Variants in SCUBE3 observed in about 807,000 individuals in gnomAD.
SCUBE3 encodes the protein signal peptide, CUB domain and EGF like domain containing 3, also known as signal peptide, CUB and EGF-like domain-containing protein 3.
SCUBE3 carries 33 observed loss-of-function variants against 116.8 expected under a neutral mutation model. The ratio of observed to expected loss-of-function variants is 0.28; its 90% CI spans 0.21 to 0.38. The LOEUF (loss-of-function observed/expected upper bound fraction) is 0.38, where lower values mean the gene tolerates loss of function less well. SCUBE3 is among the 10% of genes least tolerant of loss of function. The pLI, the probability that SCUBE3 is intolerant of heterozygous loss-of-function variation, is 1.00. For missense variants in SCUBE3, 1,007 were observed against 1,324.8 expected, an observed-to-expected ratio of 0.76 and a Z score of 3.72; for synonymous variants, 418 against 496.9, an observed-to-expected ratio of 0.84 and a Z score of 2.11.
chr6:35,229,791 G>A (rs1482904793), intron 3 of SCUBE3, among the ~76,000 whole-genome samples: 2 of 152,068 alleles, frequency 1.3e-5, no homozygotes, highest in South Asian at 2.1e-4. Context: ...TAGCAGAAAA[G>A]GATTTGAAAT....
rs964900912 is a variant in SCUBE3 at position 35,218,015 on chromosome 6, G to A, written c.85+3512G>A. On this transcript the variant is annotated intron_variant, in intron 1 of 21. Transcript: ENST00000274938. ...TCTCATCTCTTTGAGTCTCTGCAGG[G>A]TGGAATAAGAGAAAGGGGACTAGAA... The A allele has an allele frequency of 3.2e-5, 11 of 342,562 alleles. No individual in the cohort carries two copies. The Admixed American group carries it at 4.5e-4, about 14-fold the overall frequency. 21.2% of individuals were successfully genotyped at this position (342,562 alleles called of 1,614,324 possible). A position where few individuals can be genotyped will look rare whatever the true frequency, so the allele number is the denominator to read the frequency against.
intron 21 of SCUBE3, among the ~76,000 whole-genome samples, chr6:35,247,438 C>A (rs1459017330): frequency 7.2e-3 from 879 of 121,586 alleles, no homozygotes; most frequent in Non-Finnish European, 9.0e-3. Flanking sequence ...GACTCAGTCT[C>A]AAAAAAAAAA....
At position 35,232,879 on chromosome 6, in the gene SCUBE3, G is replaced by A. The variant is rs1205463225; in HGVS notation, c.499G>A (p.Gly167Ser). The A allele has an allele frequency of 1.2e-6, 2 of 1,614,122 alleles. No individual in the cohort carries two copies. The highest frequency in any genetic ancestry group is 2.2e-5 in the East Asian group (1 of 44,886). ...EGMNCMNKNHGCAHICRETPK... is the reference protein window; with the variant it reads ...EGMNCMNKNHSCAHICRETPK... Reference sequence around the variant, plus strand: ...AATGAATTGCATGAACAAGAACCACGGCTGTGCCCACATTTGCCGGGAGAC... The same window carrying A: ...AATGAATTGCATGAACAAGAACCACAGCTGTGCCCACATTTGCCGGGAGAC... Residue 167 changes from glycine (G) to serine (S), a missense_variant, in exon 5 of 22, where the codon GGC becomes AGC. Transcript: ENST00000274938. This position sits in a 1 kb window ranked among gnomAD's most constrained non-coding sequence, Gnocchi z 4.2.
At chr6:35,247,986 C>T (rs1048448836) in intron 21 of SCUBE3, among the ~76,000 whole-genome samples, 11 of 152,206 alleles carry the variant, frequency 7.2e-5, no homozygotes, top group Admixed American at 2.0e-4. Flanking sequence ...GTTCAGGAAC[C>T]TCCAGAAGGC....
rs200958016 is a variant in SCUBE3 at position 35,244,830 on chromosome 6, T to C, written c.2401+19T>C. On this transcript the variant is annotated intron_variant, in intron 18 of 21. Transcript: ENST00000274938. This position sits in a 1 kb window ranked among gnomAD's most constrained non-coding sequence, Gnocchi z 4.3. ...TGCAAGAGTACGTGGCAAGCCAGGCTGTGCAAAAGGGAGGAGAGAGGCCTG... is the reference window on the plus strand; with the variant it reads ...TGCAAGAGTACGTGGCAAGCCAGGCCGTGCAAAAGGGAGGAGAGAGGCCTG... 1,643 of 1,613,144 alleles carry C rather than the reference T, an allele frequency of 1.0e-3. 2 individuals are homozygous for C. The highest frequency in any genetic ancestry group is 1.3e-3 in the Non-Finnish European group (1,540 of 1,179,220).
Position 35,235,435 on chromosome 6 carries a change from ATG to A in SCUBE3, c.712+2136_712+2137del. The stretch of plus-strand genomic sequence containing the variant: ...CCAGCACCTAAACAGCTTTTTTACA[ATG>A]TCAAACAGGGGAAAGGCGGCTAGAG... On this transcript the variant is annotated intron_variant, in intron 6 of 21. Transcript: ENST00000274938. The surrounding 1 kb of genome is among the most constrained non-coding windows in gnomAD (Gnocchi z 4.5). The A allele has an allele frequency of 1.6e-6, 2 of 1,281,160 alleles. No homozygotes were observed. The highest frequency in any genetic ancestry group is 2.0e-6 in the Non-Finnish European group (2 of 980,910). The allele number at this position is 1,281,160 out of a possible 1,614,324, so 79.4% of individuals were successfully genotyped here.
In SCUBE3 at chr6:35,241,594, G is replaced by A; in HGVS notation, c.1247G>A (p.Cys416Tyr). 6.2e-7 allele frequency: 1 copy of A among 1,614,212 alleles called. No homozygotes were observed. Among genetic ancestry groups the A allele is most frequent in the Non-Finnish European group, 8.5e-7 (1 of 1,180,032 alleles). The change falls in exon 11 of 22, where the codon TGC (cysteine) becomes TAC (tyrosine). Residue 416 changes from cysteine to tyrosine, a missense_variant. Physicochemically the swap from Cys to Tyr is radical, Grantham distance 194. Coordinates refer to ENST00000274938, the MANE Select transcript of SCUBE3 (RefSeq NM_152753.4). The surrounding 1 kb of genome is among the most constrained non-coding windows in gnomAD (Gnocchi z 4.1). ...SPGASKAMLS[C>Y]NRSGKKDTCA... ...GGGGCCTCGAAAGCCATGCTCAGCTGCAACCGGTCTGGCAAGAAGGACACC... is the reference window on the plus strand; with the variant it reads ...GGGGCCTCGAAAGCCATGCTCAGCTACAACCGGTCTGGCAAGAAGGACACC...
At position 35,241,229 on chromosome 6, in the gene SCUBE3, C is replaced by T; in HGVS notation, c.1158C>T (p.Gly386=). 1.2e-6 allele frequency: 2 copies of T among 1,602,438 alleles called. No individual in the cohort carries two copies. The highest frequency in any genetic ancestry group is 8.5e-7 in the Non-Finnish European group (1 of 1,170,526). The change falls in exon 10 of 22, where the codon GGC becomes GGT. Residue 386 remains glycine (G), a synonymous_variant. Coordinates refer to ENST00000274938, the MANE Select transcript of SCUBE3 (RefSeq NM_152753.4). The surrounding 1 kb of genome is among the most constrained non-coding windows in gnomAD (Gnocchi z 4.1). ...GCTACCAGTGTACCTGCCCAGCAGG[C>T]CAGGGTCGGCTGCACTGGAATGGCA... ...PGSYQCTCPA[G]QGRLHWNGKD... is the part of the protein sequence containing the mutation.
chr6:35,239,778 G>A lies in SCUBE3; in HGVS notation c.856G>A (p.Gly286Arg), dbSNP rs185104039. The change falls in exon 8 of 22, where the codon GGG becomes AGG. Residue 286 changes from glycine to arginine, a missense_variant. Physicochemically the swap from Gly to Arg is moderately radical, Grantham distance 125. Coordinates refer to ENST00000274938, the MANE Select transcript of SCUBE3 (RefSeq NM_152753.4). The surrounding 1 kb of genome is among the most constrained non-coding windows in gnomAD (Gnocchi z 4.1). The part of the protein sequence containing the change: ...KDIDECRLNN[G>R]GCDHICRNTV... ...TATAGATGAGTGCCGCTTAAACAACGGGGGCTGTGACCATATTTGCCGCAA... is the reference window on the plus strand; with the variant it reads ...TATAGATGAGTGCCGCTTAAACAACAGGGGCTGTGACCATATTTGCCGCAA... The A allele has an allele frequency of 2.0e-5, 32 of 1,611,806 alleles. No individual in the cohort carries two copies. Among genetic ancestry groups the A allele is most frequent in the Admixed American group, 1.7e-4 (10 of 59,556 alleles).
intron 21 of SCUBE3, 151 bp downstream of exon 21, chr6:35,246,436 G>A: frequency 1.6e-6 from 1 of 634,590 alleles, no homozygotes; most frequent in Non-Finnish European, 2.7e-6. Flanking sequence ...CTTTACAGAT[G>A]GGAAAACTGG....
At position 35,235,572 on chromosome 6, in the gene SCUBE3, G is replaced by A; in HGVS notation, c.712+2271G>A. 1 of 793,134 alleles carries A rather than the reference G, an allele frequency of 1.3e-6. No homozygotes were observed. The highest frequency in any genetic ancestry group is 1.4e-5 in the South Asian group (1 of 70,118). 49.1% of individuals were successfully genotyped at this position (793,134 alleles called of 1,614,324 possible). A position where few individuals can be genotyped will look rare whatever the true frequency, so the allele number is the denominator to read the frequency against. ...TAACCCGCTGGGGCTCCCACTAACT[G>A]CATGCCCACTGGGCCCAGCCTGACT... On this transcript the variant is annotated intron_variant, in intron 6 of 21. Transcript: ENST00000274938. This position sits in a 1 kb window ranked among gnomAD's most constrained non-coding sequence, Gnocchi z 4.5.
At position 35,233,766 on chromosome 6, in the gene SCUBE3, GAAC is replaced by G. The variant is rs1296158595; in HGVS notation, c.712+469_712+471del. On this transcript the variant is annotated intron_variant, in intron 6 of 21. Coordinates refer to ENST00000274938, the MANE Select transcript of SCUBE3 (RefSeq NM_152753.4). This position sits in a 1 kb window ranked among gnomAD's most constrained non-coding sequence, Gnocchi z 5.7. ...GGGTGGGACAGAGTGCTCCTTCCTG[GAAC>G]AACCATCCCTGAACTGACTGACAGA... Among the ~76,000 whole-genome samples the G allele has an allele frequency of 6.6e-6, 1 of 152,158 alleles. No homozygotes were observed. Among genetic ancestry groups the G allele is most frequent in the East Asian group, 1.9e-4 (1 of 5,200 alleles).
At position 35,239,643 on chromosome 6, in the gene SCUBE3, A is replaced by T. The variant is rs1783945929; in HGVS notation, c.830-109A>T. On this transcript the variant is annotated intron_variant, in intron 7 of 21. Transcript: ENST00000274938. This position sits in a 1 kb window ranked among gnomAD's most constrained non-coding sequence, Gnocchi z 4.1. ...AGAGAGATCAAGAAGAGGCAGGCCC[A>T]GGACTCCTTGATTTTTGCATGTCTC... 1.1e-6 allele frequency: 1 copy of T among 941,200 alleles called. No individual in the cohort carries two copies. The highest frequency in any genetic ancestry group is 2.5e-5 in the East Asian group (1 of 39,254). The allele number at this position is 941,200 out of a possible 1,614,324, so 58.3% of individuals were successfully genotyped here.
intron 6 of SCUBE3, among the ~76,000 whole-genome samples, chr6:35,236,932 C>T (rs1371245312): frequency 6.6e-6 from 1 of 152,194 alleles, no homozygotes; most frequent in African/African-American, 2.4e-5. Flanking sequence ...CTGACTTTCC[C>T]AAGCTACCAT....
chr6:35,214,481 C>G lies in SCUBE3; in HGVS notation c.63C>G (p.Ala21=), dbSNP rs748347785. The G allele has an allele frequency of 4.0e-6, 6 of 1,505,042 alleles. No homozygotes were observed. Among genetic ancestry groups the G allele is most frequent in the Non-Finnish European group, 5.3e-6 (6 of 1,130,948 alleles). 93.2% of individuals were successfully genotyped at this position (1,505,042 alleles called of 1,614,324 possible). A position where few individuals can be genotyped will look rare whatever the true frequency, so the allele number is the denominator to read the frequency against. The change falls in exon 1 of 22, where the codon GCC becomes GCG. Residue 21 remains alanine, a synonymous_variant. Transcript: ENST00000274938. The surrounding 1 kb of genome is among the most constrained non-coding windows in gnomAD (Gnocchi z 6.3). The part of the protein sequence containing the change: ...LLVLLVHARA[A]QYSKAAQDVD... ...TCCTGCTGGTCCACGCCCGCGCCGCCCAGTACAGCAAAGCCGCGCAAGGTA... is the reference window on the plus strand; with the variant it reads ...TCCTGCTGGTCCACGCCCGCGCCGCGCAGTACAGCAAAGCCGCGCAAGGTA...
At chr6:35,217,854 TGGA>T (rs1471708415) in intron 1 of SCUBE3, among the ~76,000 whole-genome samples, 1 of 152,158 alleles carries the variant, frequency 6.6e-6, no homozygotes, top group Non-Finnish European at 1.5e-5. Context: ...TTCCAGAAGG[TGGA>T]GAAGAGGGTG....
At position 35,249,419 on chromosome 6, in the gene SCUBE3, G is replaced by C. The variant is rs1784475963; in HGVS notation, c.*714G>C. 1 of 152,294 alleles carries C rather than the reference G, an allele frequency of 6.6e-6. No homozygotes were observed. The highest frequency in any genetic ancestry group is 6.5e-5 in the Admixed American group (1 of 15,282). 9.4% of individuals were successfully genotyped at this position (152,294 alleles called of 1,614,324 possible). A position where few individuals can be genotyped will look rare whatever the true frequency, so the allele number is the denominator to read the frequency against. ...GAAGAGCAGCAGGCATTGTCATGGT[G>C]AATGCCCCGCTGTAGCTCCCTGAGA... On this transcript the variant is annotated 3_prime_UTR_variant, in exon 22 of 22. Coordinates refer to ENST00000274938, the MANE Select transcript of SCUBE3 (RefSeq NM_152753.4).
chr6:35,226,545 C>T (rs1394760434), intron 1 of SCUBE3, among the ~76,000 whole-genome samples: 3 of 126,080 alleles, frequency 2.4e-5, no homozygotes, highest in Admixed American at 1.1e-4. Context: ...TGCATTAGCG[C>T]GATCTCAGCT....
At chr6:35,217,525 C>T (rs1019093021) in intron 1 of SCUBE3, among the ~76,000 whole-genome samples, 1 of 151,644 alleles carries the variant, frequency 6.6e-6, no homozygotes, top group Non-Finnish European at 1.5e-5. Context: ...CTCTCTGTCT[C>T]GGTGTGTCTC....
Sources: gnomAD v4.1 joint callset for allele counts (sites outside exome capture counted in the v4.1 genomes callset) on GRCh38, gnomAD v4.1.1 for gene constraint, Gnocchi (gnomAD v3.1) non-coding constraint, MANE v1.5 for transcripts, NCBI Gene and HGNC (gene_info 2026-07-23, HGNC 2026-07-21) for gene names.